Variants in MSRB3 observed in about 807,000 individuals in gnomAD.
MSRB3 encodes the protein methionine sulfoxide reductase B3, also known as methionine-R-sulfoxide reductase B3.
In MSRB3, 13 loss-of-function variants were observed where a neutral mutation model predicts 21.0. The ratio of observed to expected loss-of-function variants is 0.62; its 90% CI spans 0.40 to 0.98. The LOEUF (loss-of-function observed/expected upper bound fraction) is 0.98. Among genes scored for constraint, MSRB3 ranks in the 50% least tolerant of loss-of-function variants. MSRB3 has a pLI of 0.00. For synonymous variants in MSRB3, 87 were observed against 88.6 expected, an observed-to-expected ratio of 0.98 and a Z score of 0.10; for missense variants, 199 against 230.3, an observed-to-expected ratio of 0.86 and a Z score of 0.88.
chr12:65,463,016 C>G (rs1883398876), intron 6 of MSRB3, 139 bp from the exon 7 acceptor site: 3 of 1,051,424 alleles, frequency 2.9e-6, no homozygotes, highest in Non-Finnish European at 4.4e-6. Flanking sequence ...CGGCTATTGA[C>G]AGGCGGATTA....
intron 5 of MSRB3, among the ~76,000 whole-genome samples, chr12:65,427,742 C>T (rs73322338): frequency 7.0e-4 from 107 of 152,238 alleles, no homozygotes; most frequent in African/African-American, 1.3e-3. Flanking sequence ...GTAAAGTAGC[C>T]GGGGAGTCAA....
intron 6 of MSRB3, among the ~76,000 whole-genome samples, chr12:65,461,960 C>T (rs1883349532): frequency 6.6e-6 from 1 of 152,044 alleles, no homozygotes; most frequent in East Asian, 1.9e-4. Flanking sequence ...TTTTTGCTCC[C>T]TTAGCATTGC....
chr12:65,326,523 A>T (rs1382763590), intron 2 of MSRB3, among the ~76,000 whole-genome samples: 1 of 152,198 alleles, frequency 6.6e-6, no homozygotes, highest in East Asian at 1.9e-4. Context: ...AAAGGGTTTC[A>T]GGATACTGGG....
At chr12:65,423,466 T>C (rs1335122590) in intron 5 of MSRB3, among the ~76,000 whole-genome samples, 1 of 152,198 alleles carries the variant, frequency 6.6e-6, no homozygotes, top group Non-Finnish European at 1.5e-5. Context: ...TGAGTTTGAT[T>C]TTAGCTGTAA....
At chr12:65,416,227 C>T (rs1880965318) in intron 5 of MSRB3, among the ~76,000 whole-genome samples, 1 of 152,168 alleles carries the variant, frequency 6.6e-6, no homozygotes, top group African/African-American at 2.4e-5. Context: ...AAATGTTCCC[C>T]ATTAATTGCT....
intron 4 of MSRB3, among the ~76,000 whole-genome samples, chr12:65,360,481 G>T (rs1239048848): frequency 1.1e-4 from 17 of 152,024 alleles, no homozygotes. Flanking sequence ...AATTGTAGAA[G>T]CTGGGAGCCA....
intron 5 of MSRB3, among the ~76,000 whole-genome samples, chr12:65,447,981 A>G (rs1294872617): frequency 6.6e-6 from 1 of 152,240 alleles, no homozygotes; most frequent in Non-Finnish European, 1.5e-5. Flanking sequence ...GTGTTGCTGT[A>G]TAAAAAATGG....
At chr12:65,401,337 T>C (rs933407872) in intron 5 of MSRB3, among the ~76,000 whole-genome samples, 2 of 152,240 alleles carry the variant, frequency 1.3e-5, no homozygotes, top group Non-Finnish European at 2.9e-5. Context: ...GCTCTTCTTG[T>C]TGCATTGATT....
intron 5 of MSRB3, among the ~76,000 whole-genome samples, chr12:65,452,912 G>A (rs1420127181): frequency 2.0e-5 from 3 of 152,170 alleles, no homozygotes; most frequent in Non-Finnish European, 4.4e-5. Context: ...AGTAACTCCA[G>A]ACATATTTTG....
chr12:65,419,483 T>G (rs1390873814), intron 5 of MSRB3: 1 of 742,246 alleles, frequency 1.3e-6, no homozygotes, highest in African/African-American at 1.7e-5. Context: ...TAGATGTCGC[T>G]CTCCACAGAC....
chr12:65,334,928 C>A (rs1428506970), intron 4 of MSRB3, among the ~76,000 whole-genome samples: 1 of 152,126 alleles, frequency 6.6e-6, no homozygotes, highest in Non-Finnish European at 1.5e-5. Context: ...TTAAAAAAAT[C>A]CTCTCTCTAC....
At chr12:65,461,292 A>G (rs1309198300) in intron 6 of MSRB3, among the ~76,000 whole-genome samples, 1 of 152,316 alleles carries the variant, frequency 6.6e-6, no homozygotes, top group African/African-American at 2.4e-5. Flanking sequence ...TTACTGGTTC[A>G]TCTTAGCTGT....
At chr12:65,330,134 T>C (rs1445022821) in intron 4 of MSRB3, among the ~76,000 whole-genome samples, 2 of 152,228 alleles carry the variant, frequency 1.3e-5, no homozygotes, top group African/African-American at 4.8e-5. Flanking sequence ...TCCCCTTCCC[T>C]ACCATGTGAT....
At chr12:65,435,745 G>T (rs150110273) in intron 5 of MSRB3, among the ~76,000 whole-genome samples, 7 of 151,838 alleles carry the variant, frequency 4.6e-5, no homozygotes, top group Non-Finnish European at 7.4e-5. Context: ...AAAGGTAAAG[G>T]TCTTGACATT....
At chr12:65,439,483 T>A (rs1882273068) in intron 5 of MSRB3, among the ~76,000 whole-genome samples, 1 of 151,670 alleles carries the variant, frequency 6.6e-6, no homozygotes, top group Non-Finnish European at 1.5e-5. Context: ...AGAAATATAA[T>A]TTTGTATTCT....
At chr12:65,318,303 T>C (rs909745519) in intron 2 of MSRB3, among the ~76,000 whole-genome samples, 10 of 152,192 alleles carry the variant, frequency 6.6e-5, no homozygotes, top group Non-Finnish European at 1.3e-4. Flanking sequence ...TGGTGAAGTA[T>C]ACTCAATGTT....
chr12:65,363,028 T>C (rs975860697), intron 4 of MSRB3, among the ~76,000 whole-genome samples: 2 of 152,152 alleles, frequency 1.3e-5, no homozygotes, highest in African/African-American at 4.8e-5. Context: ...TTTACAAAAT[T>C]CTTGCTGTAG....
Position 65,405,100 on chromosome 12 carries a change from G to A in MSRB3, c.292+36074G>A, listed in dbSNP as rs138745881. Among the ~76,000 whole-genome samples, 1,316 of 151,914 alleles carry A rather than the reference G, an allele frequency of 8.7e-3. 20 individuals carry two copies. Among genetic ancestry groups the A allele is most frequent in the African/African-American group, 0.03 (1,238 of 41,418 alleles). On this transcript the variant is annotated intron_variant, in intron 5 of 6. Coordinates refer to ENST00000308259, the MANE Select transcript of MSRB3 (RefSeq NM_001031679.3). The stretch of plus-strand genomic sequence containing the variant: ...CAAGTCGCTGGGATTACAGGTGTGC[G>A]CCACCATGCCTGGCTAATTTTTTTG...
At chr12:65,399,545 C>A (rs1378772835) in intron 5 of MSRB3, among the ~76,000 whole-genome samples, 2 of 152,192 alleles carry the variant, frequency 1.3e-5, no homozygotes, top group Non-Finnish European at 2.9e-5. Context: ...ATGTCATCTG[C>A]AAACAGAGAC....
Sources: gnomAD v4.1 joint callset for allele counts (sites outside exome capture counted in the v4.1 genomes callset) on GRCh38, gnomAD v4.1.1 for gene constraint, MANE v1.5 for transcripts, NCBI Gene and HGNC (gene_info 2026-07-23, HGNC 2026-07-21) for gene names.